The following SORT1 variants were observed in gnomAD, a reference collection of about 807,000 sequenced individuals.
The protein encoded by SORT1 is sortilin 1.
Under a neutral mutation model 101.7 loss-of-function variants are expected in SORT1, and 39 were observed. That is an observed-to-expected ratio of 0.38 (90% CI 0.30 to 0.50). The LOEUF is 0.50. Ranked by LOEUF, SORT1 falls within the 20% of genes least tolerant of loss-of-function variation. The pLI, the probability that SORT1 is intolerant of heterozygous loss-of-function variation, is 0.90. For synonymous variants in SORT1, 396 were observed against 393.7 expected, an observed-to-expected ratio of 1.01 and a Z score of -0.07; for missense variants, 878 against 1,040.4, an observed-to-expected ratio of 0.84 and a Z score of 2.15.
chr1:109,347,577 T>G (rs1476966576), intron 6 of SORT1, 45 bp from the exon 7 acceptor site: 1 of 1,358,384 alleles, frequency 7.4e-7, no homozygotes, highest in Non-Finnish European at 1.1e-6. Flanking sequence ...TTAAGACTGC[T>G]GAAGGACTGT....
chr1:109,326,054 CTTTTTT>C (rs541173445), intron 13 of SORT1, among the ~76,000 whole-genome samples: 1 of 134,662 alleles, frequency 7.4e-6, no homozygotes, highest in Admixed American at 7.6e-5. Context: ...ACTTATACTT[CTTTTTT>C]TTTTTTTTTT....
chr1:109,341,895 A>G (rs901894378), intron 9 of SORT1, 119 bp downstream of exon 9: 18 of 963,602 alleles, frequency 1.9e-5, no homozygotes, highest in Non-Finnish European at 2.9e-5. Flanking sequence ...AGGACAGAAA[A>G]ATCAGTAGGG....
Position 109,340,813 on chromosome 1 carries a change from C to G in SORT1, c.1175G>C (p.Arg392Pro), listed in dbSNP as rs551934919. 6.2e-7 allele frequency: 1 copy of G among 1,613,536 alleles called. No homozygotes were observed. Residue 392 changes from arginine (R) to proline (P), a missense_variant, in exon 10 of 20, where the codon CGA becomes CCA. Transcript: ENST00000256637. Reference sequence around the variant, plus strand: ...TCCGCCTGTGGTAGTGTAGAGATGTCGGTCCAAAGACTTGGAATAGACAAT... The same window carrying G: ...TCCGCCTGTGGTAGTGTAGAGATGTGGGTCCAAAGACTTGGAATAGACAAT... Reference protein sequence around the residue: ...RGIVYSKSLDRHLYTTTGGET... With the variant: ...RGIVYSKSLDPHLYTTTGGET...
At chr1:109,352,210 G>A (rs1188604538) in intron 5 of SORT1, among the ~76,000 whole-genome samples, 2 of 152,122 alleles carry the variant, frequency 1.3e-5, no homozygotes, top group African/African-American at 2.4e-5. Flanking sequence ...CAGCAAGACA[G>A]GAATATGATG....
chr1:109,344,596 T>C (rs1047398718), intron 8 of SORT1, among the ~76,000 whole-genome samples: 17 of 152,244 alleles, frequency 1.1e-4, no homozygotes, highest in African/African-American at 3.9e-4. Flanking sequence ...GAGCCCATCC[T>C]AAACAGTCTG....
Position 109,325,106 on chromosome 1 carries a change from A to G in SORT1, c.1644-17T>C. Reference sequence around the variant, plus strand: ...GTGGAGAACCTGAAACCACAATTACAGAAAGATCATGACAGAGGATCAATG... The same window carrying G: ...GTGGAGAACCTGAAACCACAATTACGGAAAGATCATGACAGAGGATCAATG... On this transcript the variant is annotated splice_polypyrimidine_tract_variant and intron_variant, in intron 13 of 19. Transcript: ENST00000256637. 2 of 1,582,526 alleles carry G rather than the reference A, an allele frequency of 1.3e-6. No individual in the cohort carries two copies. The highest frequency in any genetic ancestry group is 1.7e-6 in the Non-Finnish European group (2 of 1,155,970).
chr1:109,340,737 G>A lies in SORT1; in HGVS notation c.1251C>T (p.Ser417=), dbSNP rs759122248. ...GCCGAGACTCACCTTCGGAGAGCAC[G>A]CTTGTTATGTAGACGCCGCGGAGGG... ...VTSLRGVYIT[S]VLSEDNSIQT... Residue 417 remains serine (S), a synonymous_variant, in exon 10 of 20, where the codon AGC becomes AGT. Coordinates refer to ENST00000256637, the MANE Select transcript of SORT1 (RefSeq NM_002959.7). 16 of 1,613,994 alleles carry A rather than the reference G, an allele frequency of 9.9e-6. No individual in the cohort carries two copies. In the Admixed American group the frequency reaches 1.8e-4, roughly 18 times the overall value.
chr1:109,314,252 T>C lies in SORT1; in HGVS notation c.2481+9A>G. Reference sequence around the variant, plus strand: ...GGGGGTACTACCATTCAAGAAGAAATAGCCTCACCTCATCTGAGTCATCAT... The same window carrying C: ...GGGGGTACTACCATTCAAGAAGAAACAGCCTCACCTCATCTGAGTCATCAT... On this transcript the variant is annotated intron_variant, in intron 19 of 19. Transcript: ENST00000256637. 6 of 1,603,432 alleles carry C rather than the reference T, an allele frequency of 3.7e-6. No homozygotes were observed. The highest frequency in any genetic ancestry group is 1.1e-5 in the South Asian group (1 of 90,602).
At chr1:109,375,935 T>TCA (rs141576944) in intron 1 of SORT1, among the ~76,000 whole-genome samples, 38 of 151,538 alleles carry the variant, frequency 2.5e-4, no homozygotes, top group South Asian at 4.2e-4. Context: ...TACTAAAACA[T>TCA]CACACACACA....
chr1:109,373,682 CA>C (rs1315501632), intron 1 of SORT1, among the ~76,000 whole-genome samples: 1 of 152,160 alleles, frequency 6.6e-6, no homozygotes. Flanking sequence ...CCAAAAGGAT[CA>C]AACTGTTTCC....
chr1:109,362,869 C>G (rs1570953684), intron 3 of SORT1, among the ~76,000 whole-genome samples: 2 of 151,308 alleles, frequency 1.3e-5, no homozygotes, highest in African/African-American at 4.9e-5. Flanking sequence ...CTGAAATATG[C>G]AGTCATTGTT....
chr1:109,395,208 CTTTTTTTTTTTTT>C (rs71069681), intron 1 of SORT1, among the ~76,000 whole-genome samples: 49 of 42,612 alleles, frequency 1.1e-3, no homozygotes, highest in African/African-American at 4.3e-3. Context: ...AACGCAAAAA[CTTTTTTTTTTTTT>C]TTTTTTTTTT....
chr1:109,336,555 C>G (rs1207791843), intron 10 of SORT1, among the ~76,000 whole-genome samples: 1 of 152,168 alleles, frequency 6.6e-6, no homozygotes, highest in Non-Finnish European at 1.5e-5. Flanking sequence ...TGCCTGTAAT[C>G]CCAGCACTTT....
intron 17 of SORT1, among the ~76,000 whole-genome samples, chr1:109,315,286 G>C (rs1658963493): frequency 6.6e-6 from 1 of 152,022 alleles, no homozygotes; most frequent in South Asian, 2.1e-4. Flanking sequence ...ATCACTGTTT[G>C]CATGTGACCT....
chr1:109,324,800 G>A (rs1234829508), intron 14 of SORT1, 99 bp downstream of exon 14: 2 of 751,712 alleles, frequency 2.7e-6, no homozygotes, highest in African/African-American at 3.5e-5. Flanking sequence ...ATATGCATAT[G>A]CATCTGCTGA....
chr1:109,390,804 C>T (rs896980250), intron 1 of SORT1, among the ~76,000 whole-genome samples: 34 of 146,258 alleles, frequency 2.3e-4, no homozygotes, highest in Non-Finnish European at 3.1e-4. Flanking sequence ...TGTGTGCGCG[C>T]GCGCGTTTTA....
At chr1:109,376,939 T>C (rs1651895732) in intron 1 of SORT1, among the ~76,000 whole-genome samples, 1 of 152,206 alleles carries the variant, frequency 6.6e-6, no homozygotes, top group Non-Finnish European at 1.5e-5. Flanking sequence ...CCATTGCTCC[T>C]CAGCATTCTA....
chr1:109,389,148 C>T (rs1652752989), intron 1 of SORT1, among the ~76,000 whole-genome samples: 1 of 152,192 alleles, frequency 6.6e-6, no homozygotes, highest in Admixed American at 6.5e-5. Flanking sequence ...GACAAGCAGG[C>T]CCTGTGGGGG....
At chr1:109,368,202 G>T (rs1356371942) in intron 2 of SORT1, among the ~76,000 whole-genome samples, 7 of 150,408 alleles carry the variant, frequency 4.7e-5, no homozygotes, top group Non-Finnish European at 7.4e-5. Flanking sequence ...GCTGAGGCAT[G>T]AGAATTGCTT....
Sources: allele counts gnomAD v4.1 joint callset (sites outside exome capture counted in the v4.1 genomes callset), GRCh38; gene constraint gnomAD v4.1.1; transcripts MANE v1.5; gene names NCBI Gene and HGNC (gene_info 2026-07-23, HGNC 2026-07-21).